The following RNF19A variants were observed in gnomAD, a reference collection of about 807,000 sequenced individuals.
The protein encoded by RNF19A is E3 ubiquitin-protein ligase RNF19A.
A neutral mutation model predicts 75.7 loss-of-function variants in RNF19A; 32 were observed. That is an observed-to-expected ratio of 0.42 (90% CI 0.32 to 0.57). The LOEUF (loss-of-function observed/expected upper bound fraction) is 0.57, where lower values mean the gene tolerates loss of function less well. Among genes scored for constraint, RNF19A ranks in the 20% least tolerant of loss-of-function variants. RNF19A has a pLI of 0.10. For synonymous variants in RNF19A, 335 were observed against 345.2 expected, an observed-to-expected ratio of 0.97 and a Z score of 0.33; for missense variants, 782 against 1,036.3, an observed-to-expected ratio of 0.75 and a Z score of 3.37.
chr8:100,324,337 C>T lies in RNF19A; in HGVS notation c.-242-10965G>A, dbSNP rs1047596515. Among the ~76,000 whole-genome samples the T allele has an allele frequency of 6.6e-6, 1 of 152,156 alleles. No homozygotes were observed. The highest frequency in any genetic ancestry group is 1.5e-5 in the Non-Finnish European group (1 of 68,016). The stretch of plus-strand genomic sequence containing the variant: ...GTACAATCTGCAGCACAATCAAGTT[C>T]AAGAGTTTGGATGACTAAAGTTGAT... On this transcript the variant is annotated intron_variant, in intron 1 of 3. Coordinates refer to the RNF19A transcript ENST00000519527. The surrounding 1 kb of genome is among the most constrained non-coding windows in gnomAD (Gnocchi z 4.2).
rs778456282 is a variant in RNF19A at position 100,259,778 on chromosome 8, G to A, written c.1826+76C>T. 1.1e-5 allele frequency: 15 copies of A among 1,335,398 alleles called. No homozygotes were observed. The highest frequency in any genetic ancestry group is 1.5e-5 in the Non-Finnish European group (15 of 968,434). 82.7% of individuals were successfully genotyped at this position (1,335,398 alleles called of 1,614,324 possible). On this transcript the variant is annotated intron_variant, in intron 9 of 9. Transcript: ENST00000341084. The surrounding 1 kb of genome is among the most constrained non-coding windows in gnomAD (Gnocchi z 4.5). ...TAATAGTTGGTAGCCACTTTTCACT[G>A]GTAATTTGTCTAATGATAGGAATTA...
Position 100,261,027 on chromosome 8 carries a change from A to G in RNF19A, c.1682+515T>C, listed in dbSNP as rs988693552. 2.6e-5 allele frequency among the ~76,000 whole-genome samples: 4 copies of G among 152,208 alleles called. No homozygotes were observed. The highest frequency in any genetic ancestry group is 9.6e-5 in the African/African-American group (4 of 41,456). The stretch of plus-strand genomic sequence containing the variant: ...AGCAGCTGTAGCAACGATTTATAAT[A>G]TAAAATGTGACAAGGACAGTGAAAA... On this transcript the variant is annotated intron_variant, in intron 8 of 9. Transcript: ENST00000341084. The surrounding 1 kb of genome is among the most constrained non-coding windows in gnomAD (Gnocchi z 4.4).
At position 100,316,038 on chromosome 8, in the gene RNF19A, C is replaced by T. The variant is rs1218036783; in HGVS notation, c.-242-2666G>A. Reference sequence around the variant, plus strand: ...GTGAGTGTTACAGCTTTTAAGGTGGCGCATCTGGAGTTTGTCCCTTCTGAT... The same window carrying T: ...GTGAGTGTTACAGCTTTTAAGGTGGTGCATCTGGAGTTTGTCCCTTCTGAT... On this transcript the variant is annotated intron_variant, in intron 1 of 3. Transcript: ENST00000519527. Among the ~76,000 whole-genome samples the T allele has an allele frequency of 1.1e-4, 17 of 152,094 alleles. No homozygotes were observed. In the South Asian group the frequency reaches 1.5e-3, roughly 13 times the overall value.
intron 2 of RNF19A, among the ~76,000 whole-genome samples, chr8:100,281,953 T>G (rs1468735907): frequency 2.0e-5 from 3 of 152,178 alleles, no homozygotes; most frequent in Non-Finnish European, 4.4e-5. Context: ...GTTCATCTCC[T>G]GGTTCCCTTT....
At chr8:100,299,213 A>G (rs1217252885) in intron 1 of RNF19A, among the ~76,000 whole-genome samples, 1 of 152,222 alleles carries the variant, frequency 6.6e-6, no homozygotes, top group East Asian at 1.9e-4. Context: ...GATGATGTCT[A>G]GGGTCCCTTA....
upstream of RNF19A, among the ~76,000 whole-genome samples, chr8:100,313,105 C>T (rs1225079282): frequency 6.6e-6 from 1 of 152,212 alleles, no homozygotes; most frequent in African/African-American, 2.4e-5. Flanking sequence ...TTTCCCTCCT[C>T]TCTTCTAATT....
rs1822483331 is a variant in RNF19A at position 100,323,077 on chromosome 8, C to T, written c.-242-9705G>A. ...ATAGACTCGCTGGTTGCAGGGTTGCCACAAACCTTCCATTTGTAAACAAAA... is the reference window on the plus strand; with the variant it reads ...ATAGACTCGCTGGTTGCAGGGTTGCTACAAACCTTCCATTTGTAAACAAAA... On this transcript the variant is annotated intron_variant, in intron 1 of 3. Transcript: ENST00000519527. This position sits in a 1 kb window ranked among gnomAD's most constrained non-coding sequence, Gnocchi z 4.6. Among the ~76,000 whole-genome samples the T allele has an allele frequency of 6.6e-6, 1 of 151,934 alleles. No homozygotes were observed.
chr8:100,271,155 C>CTT (rs76372478), intron 3 of RNF19A, among the ~76,000 whole-genome samples: 5 of 131,318 alleles, frequency 3.8e-5, no homozygotes, highest in African/African-American at 1.1e-4. Flanking sequence ...ACCAAAGATG[C>CTT]TTTTTTTTTT....
intron 1 of RNF19A, 66 bp downstream of exon 1, chr8:100,309,801 C>A: frequency 1.0e-6 from 1 of 985,574 alleles, no homozygotes; most frequent in Non-Finnish European, 1.2e-6. Context: ...CTCCCTGGGT[C>A]GTAAGCGAGA....
rs1340285176 is a variant in RNF19A at position 100,274,005 on chromosome 8, G to A, written c.883+948C>T. Reference sequence around the variant, plus strand: ...TCACCATGTTGCCCAGGCTGGTCTTGAACCCCTGATCTCAAGTGATTCGCC... The same window carrying A: ...TCACCATGTTGCCCAGGCTGGTCTTAAACCCCTGATCTCAAGTGATTCGCC... On this transcript the variant is annotated intron_variant, in intron 3 of 9. Coordinates refer to ENST00000341084, the MANE Select transcript of RNF19A (RefSeq NM_183419.4). 2.0e-5 allele frequency among the ~76,000 whole-genome samples: 3 copies of A among 152,180 alleles called. No homozygotes were observed. The East Asian group carries it at 5.8e-4, about 29-fold the overall frequency.
intron 2 of RNF19A, among the ~76,000 whole-genome samples, chr8:100,280,111 G>A (rs546691685): frequency 2.2e-4 from 33 of 152,236 alleles, no homozygotes; most frequent in African/African-American, 7.9e-4. Flanking sequence ...ACAGTGAATT[G>A]GCCAGTCATT....
rs1820122859 is a variant in RNF19A, at chr8:100,268,914, G to C, written c.1062C>G (p.Pro354=). 1 of 1,595,716 alleles carries C rather than the reference G, an allele frequency of 6.3e-7. No individual in the cohort carries two copies. Among genetic ancestry groups the C allele is most frequent in the Non-Finnish European group, 8.5e-7 (1 of 1,169,762 alleles). ...ACAATATTTTCTTCTTTCGGCTCCA[G>C]GGTTTCTTCCCCCAAAAAGTACATC... ...PSGCTFWGKK[P]WSRKKKILWQ... is the part of the protein sequence containing the mutation. Residue 354 remains proline, a synonymous_variant, in exon 5 of 10, where the codon CCC becomes CCG. Transcript: ENST00000341084.
At chr8:100,309,469 T>C in intron 1 of RNF19A, 1 of 985,238 alleles carries the variant, frequency 1.0e-6, no homozygotes, top group South Asian at 4.7e-5. Flanking sequence ...CGCCCTTGGG[T>C]CTCCCCCGCT....
intron 1 of RNF19A, chr8:100,309,237 C>T (rs1303637302): frequency 3.6e-6 from 3 of 838,554 alleles, no homozygotes; most frequent in Non-Finnish European, 2.9e-6. Context: ...CAAGGCTACA[C>T]CATTTTGGTG....
intron 1 of RNF19A, among the ~76,000 whole-genome samples, chr8:100,299,840 C>G (rs1821743057): frequency 6.6e-6 from 1 of 152,164 alleles, no homozygotes; most frequent in African/African-American, 2.4e-5. Flanking sequence ...TCCCTCAACT[C>G]CATACAAATT....
Position 100,288,054 on chromosome 8 carries a change from C to G in RNF19A, c.121G>C (p.Asp41His). The change falls in exon 2 of 10, where the codon GAT (aspartate) becomes CAT (histidine). Residue 41 changes from aspartate to histidine, a missense_variant. Asp to His is a moderately conservative substitution (Grantham distance 81). Coordinates refer to ENST00000341084, the MANE Select transcript of RNF19A (RefSeq NM_183419.4). Reference protein sequence around the residue: ...DMSLHRQMGSDRDLQSSASSV... With the variant: ...DMSLHRQMGSHRDLQSSASSV... ...GAAGCAGAGGACTGAAGATCTCGAT[C>G]TGAACCCATTTGCCGATGTAAACTC... is the stretch of plus-strand genomic sequence containing the variant. 6.2e-7 allele frequency: 1 copy of G among 1,614,164 alleles called. No homozygotes were observed. The highest frequency in any genetic ancestry group is 8.5e-7 in the Non-Finnish European group (1 of 1,180,022).
rs1020338191 is a variant in RNF19A at position 100,287,812 on chromosome 8, G to A, written c.363C>T (p.Ser121=). 2.5e-6 allele frequency: 4 copies of A among 1,614,144 alleles called. No homozygotes were observed. The highest frequency in any genetic ancestry group is 1.3e-5 in the African/African-American group (1 of 75,054). ...TNTSSDNGLT[S]ISKQIGDFIE... ...TGAAGTCTCCAATTTGTTTGCTGAT[G>A]GAAGTTAATCCATTGTCAGAAGAGG... The change falls in exon 2 of 10, where the codon TCC becomes TCT. Residue 121 remains serine (S), a synonymous_variant. Coordinates refer to ENST00000341084, the MANE Select transcript of RNF19A (RefSeq NM_183419.4). The surrounding 1 kb of genome is among the most constrained non-coding windows in gnomAD (Gnocchi z 4.1).
intron 1 of RNF19A, among the ~76,000 whole-genome samples, chr8:100,305,701 G>A (rs966545446): frequency 1.3e-5 from 2 of 152,164 alleles, no homozygotes; most frequent in African/African-American, 4.8e-5. Flanking sequence ...TTATTGTCAG[G>A]CTTATGCTAA....
chr8:100,289,981 A>G (rs544773606), intron 1 of RNF19A, among the ~76,000 whole-genome samples: 1 of 152,350 alleles, frequency 6.6e-6, no homozygotes, highest in South Asian at 2.1e-4. Flanking sequence ...AAATACTGCT[A>G]CACACAAGAC....
Sources: gnomAD v4.1 joint callset for allele counts (sites outside exome capture counted in the v4.1 genomes callset) on GRCh38, gnomAD v4.1.1 for gene constraint, Gnocchi (gnomAD v3.1) non-coding constraint, MANE v1.5 for transcripts, NCBI Gene and HGNC (gene_info 2026-07-23, HGNC 2026-07-21) for gene names.